CNTN4: variants seen among roughly 807,000 people sequenced by gnomAD.
The protein encoded by CNTN4 is contactin 4.
Under a neutral mutation model 122.5 loss-of-function variants are expected in CNTN4, and 77 were observed. The ratio of observed to expected loss-of-function variants is 0.63; its 90% confidence interval spans 0.52 to 0.76. The LOEUF is 0.76. Among genes scored for constraint, CNTN4 ranks in the 30% least tolerant of loss-of-function variants. The pLI is 0.00. For missense variants in CNTN4, 1,256 were observed against 1,259.1 expected, an observed-to-expected ratio of 1.00 and a Z score of 0.04; for synonymous variants, 512 against 447.0, an observed-to-expected ratio of 1.15 and a Z score of -1.83.
At chr3:2,962,344 A>G (rs1426742703) in intron 13 of CNTN4, among the ~76,000 whole-genome samples, 1 of 152,238 alleles carries the variant, frequency 6.6e-6, no homozygotes, top group Non-Finnish European at 1.5e-5. Flanking sequence ...ATTCAAAGAC[A>G]GCAGCTCTTC....
intron 8 of CNTN4, among the ~76,000 whole-genome samples, chr3:2,872,827 A>G (rs182905366): frequency 7.2e-4 from 110 of 152,274 alleles, no homozygotes; most frequent in Middle Eastern, 3.4e-3. Flanking sequence ...TAACTTCTCT[A>G]AATGTTTATT....
At chr3:2,175,743 G>A (rs1214883773) in intron 2 of CNTN4, among the ~76,000 whole-genome samples, 1 of 152,092 alleles carries the variant, frequency 6.6e-6, no homozygotes, top group Non-Finnish European at 1.5e-5. Context: ...TAAGAGCTCT[G>A]GCTAACTGGT....
At chr3:2,872,288 T>C (rs913087859) in intron 8 of CNTN4, among the ~76,000 whole-genome samples, 7 of 152,202 alleles carry the variant, frequency 4.6e-5, no homozygotes, top group Non-Finnish European at 7.3e-5. Flanking sequence ...ATGAAAAGAA[T>C]TAGCAGAGAT....
At chr3:2,276,427 G>A (rs2041513705) in intron 2 of CNTN4, among the ~76,000 whole-genome samples, 1 of 152,112 alleles carries the variant, frequency 6.6e-6, no homozygotes, top group South Asian at 2.1e-4. Flanking sequence ...ACCTGCCTCT[G>A]CCTCCCAAAG....
At chr3:2,349,990 T>C (rs1302388259) in intron 3 of CNTN4, among the ~76,000 whole-genome samples, 1 of 152,122 alleles carries the variant, frequency 6.6e-6, no homozygotes, top group African/African-American at 2.4e-5. Flanking sequence ...GGGAACAGAC[T>C]TAGAGCAATC....
At chr3:3,017,957 A>T (rs1158993772) in intron 14 of CNTN4, among the ~76,000 whole-genome samples, 1 of 152,112 alleles carries the variant, frequency 6.6e-6, no homozygotes, top group Non-Finnish European at 1.5e-5. Context: ...CCCATCCATC[A>T]TTTCCTACTT....
chr3:2,281,000 C>T (rs1057487533), intron 2 of CNTN4, among the ~76,000 whole-genome samples: 28 of 152,140 alleles, frequency 1.8e-4, no homozygotes, highest in South Asian at 4.1e-4. Flanking sequence ...GTATTTTTCA[C>T]ACTCTTGACA....
intron 8 of CNTN4, among the ~76,000 whole-genome samples, chr3:2,871,941 G>A (rs930289169): frequency 3.3e-5 from 5 of 152,158 alleles, no homozygotes; most frequent in African/African-American, 1.2e-4. Flanking sequence ...AATCTGCTTT[G>A]AGAAGATAAC....
intron 3 of CNTN4, among the ~76,000 whole-genome samples, chr3:2,549,628 G>T (rs1054523078): frequency 1.3e-5 from 2 of 152,058 alleles, no homozygotes; most frequent in South Asian, 4.1e-4. Flanking sequence ...TTTTCACATC[G>T]GTGTTCAGCA....
intron 3 of CNTN4, among the ~76,000 whole-genome samples, chr3:2,426,133 C>T (rs966138440): frequency 1.3e-5 from 2 of 152,246 alleles, no homozygotes; most frequent in Middle Eastern, 3.4e-3. Context: ...AGAGGGCATC[C>T]CTGTCTTGTG....
At chr3:2,838,555 G>C (rs2093281797) in intron 7 of CNTN4, among the ~76,000 whole-genome samples, 1 of 137,498 alleles carries the variant, frequency 7.3e-6, no homozygotes, top group African/African-American at 2.9e-5. Context: ...AGACCCTATG[G>C]TTTGTAAAAA....
intron 4 of CNTN4, among the ~76,000 whole-genome samples, chr3:2,706,416 A>T (rs989597138): frequency 5.3e-5 from 8 of 152,142 alleles, no homozygotes; most frequent in African/African-American, 1.9e-4. Flanking sequence ...CTAAAATATG[A>T]ATCAGCATAT....
At chr3:2,141,457 C>A (rs2034992684) in intron 2 of CNTN4, among the ~76,000 whole-genome samples, 2 of 152,106 alleles carry the variant, frequency 1.3e-5, no homozygotes, top group Admixed American at 6.5e-5. Flanking sequence ...GATAGACCCT[C>A]CAAAAGGAAC....
intron 2 of CNTN4, among the ~76,000 whole-genome samples, chr3:2,273,054 A>G (rs1361562714): frequency 6.6e-6 from 1 of 152,216 alleles, no homozygotes; most frequent in Non-Finnish European, 1.5e-5. Context: ...CTAAGCTTAG[A>G]AGAAAAATTT....
chr3:2,353,620 T>C (rs2044737261), intron 3 of CNTN4, among the ~76,000 whole-genome samples: 1 of 151,402 alleles, frequency 6.6e-6, no homozygotes, highest in African/African-American at 2.4e-5. Context: ...AATGAACAAC[T>C]CCGGACACAC....
At chr3:2,298,163 A>G (rs561129753) in intron 2 of CNTN4, among the ~76,000 whole-genome samples, 9 of 152,344 alleles carry the variant, frequency 5.9e-5, no homozygotes, top group African/African-American at 2.2e-4. Context: ...TGTAATTAGT[A>G]GCAAATCACC....
chr3:2,178,238 T>C (rs2036843084), intron 2 of CNTN4, among the ~76,000 whole-genome samples: 1 of 152,006 alleles, frequency 6.6e-6, no homozygotes, highest in South Asian at 2.1e-4. Context: ...TAATATATAA[T>C]TCATTGCTCT....
rs1232116945 is a variant in CNTN4 at position 2,385,113 on chromosome 3, C to A, written c.-89+45880C>A. Among the ~76,000 whole-genome samples, 1 of 152,036 alleles carries A rather than the reference C, an allele frequency of 6.6e-6. No homozygotes were observed. Among genetic ancestry groups the A allele is most frequent in the Non-Finnish European group, 1.5e-5 (1 of 68,018 alleles). ...AATTACATTGCTGATATCAGAGTGA[C>A]CTGTTAAAAGTATAAACATATCATT... is the stretch of plus-strand genomic sequence containing the variant. On this transcript the variant is annotated intron_variant, in intron 3 of 24. Coordinates refer to ENST00000418658, the MANE Select transcript of CNTN4 (RefSeq NM_175607.3). This position sits in a 1 kb window ranked among gnomAD's most constrained non-coding sequence, Gnocchi z 4.0.
rs372696396 is a variant in CNTN4 at position 2,449,472 on chromosome 3, G to A, written c.-89+110239G>A. On this transcript the variant is annotated intron_variant, in intron 3 of 24. Transcript: ENST00000418658. ...TCTACTAAAAATACAAAAATTAGCC[G>A]GGCGTGGTGATGCACCCCTGTTATC... is the stretch of plus-strand genomic sequence containing the variant. 3.8e-3 allele frequency among the ~76,000 whole-genome samples: 578 copies of A among 152,106 alleles called. 4 individuals carry two copies. The highest frequency in any genetic ancestry group is 0.014 in the African/African-American group (563 of 41,490).
Sources: allele counts gnomAD v4.1 joint callset (sites outside exome capture counted in the v4.1 genomes callset), GRCh38; gene constraint gnomAD v4.1.1; non-coding constraint Gnocchi (gnomAD v3.1); transcripts MANE v1.5; gene names NCBI Gene and HGNC (gene_info 2026-07-23, HGNC 2026-07-21).